APEX1: variants seen among roughly 807,000 people sequenced by gnomAD.
APEX1 encodes the protein DNA repair nuclease/redox regulator APEX1.
In APEX1, 32 loss-of-function variants were observed where a neutral mutation model predicts 33.2. The observed-to-expected ratio is 0.96, with a 90% CI of 0.73 to 1.29. APEX1 has a LOEUF of 1.29. Ranked by LOEUF, APEX1 falls within the 50% of genes most tolerant of loss-of-function variation. APEX1 has a pLI of 0.00. For synonymous variants in APEX1, 175 were observed against 156.6 expected (o/e 1.12, Z -0.88); for missense variants, 442 against 395.6 (o/e 1.12, Z -0.99).
intron 1 of APEX1, 65 bp downstream of exon 1, chr14:20,455,459 A>G: frequency 1.1e-6 from 1 of 906,062 alleles, no homozygotes; most frequent in Non-Finnish European, 1.7e-6. Context: ...TGATGCACGG[A>G]GGCGGGGAAA....
rs759276702 is a variant in APEX1, at chr14:20,456,117, G to A, written c.246+16G>A. On this transcript the variant is annotated intron_variant, in intron 3 of 4. Coordinates refer to ENST00000216714, the MANE Select transcript of APEX1 (RefSeq NM_001641.4). The stretch of plus-strand genomic sequence containing the variant: ...AGGATTAGATGTGAGTGGAATTTGA[G>A]GGAAAGAGACATTTTTTAGTATTGA... 3.7e-6 allele frequency: 6 copies of A among 1,613,100 alleles called. No homozygotes were observed. In the South Asian group the frequency reaches 6.6e-5, roughly 18 times the overall value.
chr14:20,457,360 T>A lies in APEX1; in HGVS notation c.809T>A (p.Met270Lys). The A allele has an allele frequency of 6.2e-7, 1 of 1,614,260 alleles. No individual in the cohort carries two copies. The highest frequency in any genetic ancestry group is 8.5e-7 in the Non-Finnish European group (1 of 1,180,044). Residue 270 changes from methionine (M) to lysine (K), a missense_variant, in exon 5 of 5, where the codon ATG (methionine) becomes AAG (lysine). Met to Lys is a moderately conservative substitution (Grantham distance 95, BLOSUM62 -1). Coordinates refer to ENST00000216714, the MANE Select transcript of APEX1 (RefSeq NM_001641.4). ...TPYAYTFWTY[M>K]MNARSKNVGW... ...TATGCCTACACCTTTTGGACTTATA[T>A]GATGAATGCTCGATCCAAGAATGTT...
At position 20,457,544 on chromosome 14, in the gene APEX1, G is replaced by T; in HGVS notation, c.*36G>T. The T allele has an allele frequency of 6.2e-7, 1 of 1,605,894 alleles. No homozygotes were observed. On this transcript the variant is annotated 3_prime_UTR_variant, in exon 5 of 5. Transcript: ENST00000216714. ...AAATCACTTTGAGCCTGGGAAATAA[G>T]CCCCCTCAACTACCATTCCTTCTTT...
Position 20,455,263 on chromosome 14 carries a change from T to A in APEX1, c.-200T>A. The A allele has an allele frequency of 2.6e-6, 1 of 387,248 alleles. No individual in the cohort carries two copies. The highest frequency in any genetic ancestry group is 2.4e-5 in the South Asian group (1 of 40,856). The allele number at this position is 387,248 out of a possible 1,614,324, so 24.0% of individuals were successfully genotyped here. A position where few individuals can be genotyped will look rare whatever the true frequency, so the allele number is the denominator to read the frequency against. ...CGGGTTAGGAGGAGCTAGGCTGCCA[T>A]CGGGCCGGTGCAGATACGGGGTTGC... On this transcript the variant is annotated 5_prime_UTR_variant, in exon 1 of 5. Coordinates refer to ENST00000216714, the MANE Select transcript of APEX1 (RefSeq NM_001641.4).
rs1881265820 is a variant in APEX1, at chr14:20,455,351, A to C, written c.-112A>C. ...ACGGCAAGCTTGAGTCAGGACCCTT[A>C]ATTAAGATCCTCAATTGGCTGGAGG... is the stretch of plus-strand genomic sequence containing the variant. On this transcript the variant is annotated 5_prime_UTR_variant, in exon 1 of 5. Coordinates refer to ENST00000216714, the MANE Select transcript of APEX1 (RefSeq NM_001641.4). 3 of 521,620 alleles carry C rather than the reference A, an allele frequency of 5.8e-6. No homozygotes were observed. Among genetic ancestry groups the C allele is most frequent in the African/African-American group, 1.9e-5 (1 of 52,268 alleles). 32.3% of individuals were successfully genotyped at this position (521,620 alleles called of 1,614,324 possible). A position where few individuals can be genotyped will look rare whatever the true frequency, so the allele number is the denominator to read the frequency against.
chr14:20,456,341 T>C (rs929282956), intron 3 of APEX1, among the ~76,000 whole-genome samples: 27 of 152,364 alleles, frequency 1.8e-4, no homozygotes, highest in Middle Eastern at 3.4e-3. Context: ...CTCTTCACTA[T>C]ACTTCCTCCA....
At chr14:20,456,179 A>G in intron 3 of APEX1, 78 bp downstream of exon 3, 1 of 1,526,794 alleles carries the variant, frequency 6.5e-7, no homozygotes, top group Admixed American at 1.7e-5. Flanking sequence ...TTCTCCGTTT[A>G]GCCTTCAGGC....
intron 1 of APEX1, 59 bp from the exon 2 acceptor site, chr14:20,455,519 T>C (rs927053801): frequency 7.3e-6 from 11 of 1,512,062 alleles, no homozygotes; most frequent in Non-Finnish European, 1.0e-5. Flanking sequence ...GCGGGGACGC[T>C]CTTGGGAGGA....
chr14:20,456,167 T>G, intron 3 of APEX1, 66 bp downstream of exon 3: 1 of 1,557,216 alleles, frequency 6.4e-7, no homozygotes, highest in South Asian at 1.1e-5. Flanking sequence ...TAGTCACCCC[T>G]TTTCTCCGTT....
Position 20,457,412 on chromosome 14 carries a change from G to T in APEX1, c.861G>T (p.Leu287Phe). 1 of 1,614,128 alleles carries T rather than the reference G, an allele frequency of 6.2e-7. No individual in the cohort carries two copies. Among genetic ancestry groups the T allele is most frequent in the East Asian group, 2.2e-5 (1 of 44,882 alleles). ...GTTGGCGCCTTGATTACTTTTTGTT[G>T]TCCCACTCTCTGTTACCTGCATTGT... Reference protein sequence around the residue: ...NVGWRLDYFLLSHSLLPALCD... With the variant: ...NVGWRLDYFLFSHSLLPALCD... The change falls in exon 5 of 5, where the codon TTG (leucine) becomes TTT (phenylalanine). Residue 287 changes from leucine (L) to phenylalanine (F), a missense_variant. Transcript: ENST00000216714.
In APEX1 at chr14:20,456,802, G is replaced by A. The variant is rs763599954; in HGVS notation, c.381G>A (p.Gly127=). 2 of 1,614,212 alleles carry A rather than the reference G, an allele frequency of 1.2e-6. No homozygotes were observed. Among genetic ancestry groups the A allele is most frequent in the East Asian group, 2.2e-5 (1 of 44,882 alleles). ...QYWSAPSDKE[G]YSGVGLLSRQ... is the part of the protein sequence containing the mutation. ...GGTCAGCTCCTTCGGACAAGGAAGG[G>A]TACAGTGGCGTGGGCCTGCTTTCCC... The change falls in exon 4 of 5, where the codon GGG becomes GGA. Residue 127 remains glycine, a synonymous_variant. Transcript: ENST00000216714.
Position 20,456,660 on chromosome 14 carries a change from A to T in APEX1, c.247-8A>T. 6.2e-7 allele frequency: 1 copy of T among 1,612,770 alleles called. No homozygotes were observed. On this transcript the variant is annotated splice_polypyrimidine_tract_variant and splice_region_variant and intron_variant, in intron 3 of 4. Transcript: ENST00000216714. ...TAATACGTTTTCCACCTTTCTTTTC[A>T]CTTACAGTGGGTAAAGGAAGAAGCC...
In APEX1 at chr14:20,457,341, TAC is replaced by T. The variant is rs775971709; in HGVS notation, c.793_794del (p.Thr265LeufsTer18). On this transcript the variant is annotated frameshift_variant, in exon 5 of 5. Coordinates refer to ENST00000216714, the MANE Select transcript of APEX1 (RefSeq NM_001641.4). LOFTEE classifies it high-confidence loss of function. ...RHLYPNTPYA[Y>X]TFWTYMMNAR... ...CCTCTACCCCAACACACCCTATGCC[TAC>T]ACCTTTTGGACTTATATGATGAATG... 3 of 1,614,252 alleles carry T rather than the reference TAC, an allele frequency of 1.9e-6. No individual in the cohort carries two copies. The Admixed American group carries it at 5.0e-5, about 27-fold the overall frequency.
rs748971777 is a variant in APEX1, at chr14:20,457,123, C to G, written c.572C>G (p.Ala191Gly). The stretch of plus-strand genomic sequence containing the variant: ...GAGTACCGGCAGCGCTGGGATGAAG[C>G]CTTTCGCAAGTTCCTGAAGGGCCTG... ...RLEYRQRWDE[A>G]FRKFLKGLAS... Residue 191 changes from alanine (A) to glycine (G), a missense_variant, in exon 5 of 5, where the codon GCC (alanine) becomes GGC (glycine). By Grantham distance (60) the Ala-to-Gly change is moderately conservative. Transcript: ENST00000216714. The G allele has an allele frequency of 1.9e-5, 31 of 1,614,202 alleles. No homozygotes were observed. Among genetic ancestry groups the G allele is most frequent in the South Asian group, 5.5e-5 (5 of 91,086 alleles).
rs1159410021 is a variant in APEX1, at chr14:20,457,136, C to G, written c.585C>G (p.Phe195Leu). 12 of 1,614,046 alleles carry G rather than the reference C, an allele frequency of 7.4e-6. No individual in the cohort carries two copies. Among genetic ancestry groups the G allele is most frequent in the Non-Finnish European group, 9.3e-6 (11 of 1,180,052 alleles). Reference sequence around the variant, plus strand: ...GCTGGGATGAAGCCTTTCGCAAGTTCCTGAAGGGCCTGGCTTCCCGAAAGC... The same window carrying G: ...GCTGGGATGAAGCCTTTCGCAAGTTGCTGAAGGGCCTGGCTTCCCGAAAGC... ...RQRWDEAFRKFLKGLASRKPL... is the reference protein window; with the variant it reads ...RQRWDEAFRKLLKGLASRKPL... The change falls in exon 5 of 5, where the codon TTC becomes TTG. Residue 195 changes from phenylalanine (F) to leucine (L), a missense_variant. Phe to Leu is a conservative substitution (Grantham distance 22, BLOSUM62 0). Coordinates refer to ENST00000216714, the MANE Select transcript of APEX1 (RefSeq NM_001641.4).
chr14:20,456,538 C>T, intron 3 of APEX1, 130 bp from the exon 4 acceptor site: 1 of 848,328 alleles, frequency 1.2e-6, no homozygotes, highest in Non-Finnish European at 2.0e-6. Context: ...GAATATTGTG[C>T]TGCTTGACTC....
Position 20,457,540 on chromosome 14 carries a change from A to G in APEX1, c.*32A>G, listed in dbSNP as rs755638723. On this transcript the variant is annotated 3_prime_UTR_variant, in exon 5 of 5. Transcript: ENST00000216714. Reference sequence around the variant, plus strand: ...CCCTAAATCACTTTGAGCCTGGGAAATAAGCCCCCTCAACTACCATTCCTT... The same window carrying G: ...CCCTAAATCACTTTGAGCCTGGGAAGTAAGCCCCCTCAACTACCATTCCTT... 7.5e-6 allele frequency: 12 copies of G among 1,607,980 alleles called. No homozygotes were observed. Among genetic ancestry groups the G allele is most frequent in the Admixed American group, 5.0e-5 (3 of 60,028 alleles).
In APEX1 at chr14:20,457,392, C is replaced by T. The variant is rs751223947; in HGVS notation, c.841C>T (p.Arg281Cys). 8 of 1,614,068 alleles carry T rather than the reference C, an allele frequency of 5.0e-6. No individual in the cohort carries two copies. Among genetic ancestry groups the T allele is most frequent in the African/African-American group, 1.3e-5 (1 of 74,916 alleles). ...MNARSKNVGW[R>C]LDYFLLSHSL... ...TGCTCGATCCAAGAATGTTGGTTGG[C>T]GCCTTGATTACTTTTTGTTGTCCCA... Residue 281 changes from arginine (R) to cysteine (C), a missense_variant, in exon 5 of 5, where the codon CGC becomes TGC. Arg to Cys is a radical substitution (Grantham distance 180). Transcript: ENST00000216714.
Position 20,457,537 on chromosome 14 carries a change from G to A in APEX1, c.*29G>A, listed in dbSNP as rs1881467785. On this transcript the variant is annotated 3_prime_UTR_variant, in exon 5 of 5. Coordinates refer to ENST00000216714, the MANE Select transcript of APEX1 (RefSeq NM_001641.4). ...CACCCCTAAATCACTTTGAGCCTGGGAAATAAGCCCCCTCAACTACCATTC... is the reference window on the plus strand; with the variant it reads ...CACCCCTAAATCACTTTGAGCCTGGAAAATAAGCCCCCTCAACTACCATTC... 4 of 1,609,274 alleles carry A rather than the reference G, an allele frequency of 2.5e-6. No individual in the cohort carries two copies. Among genetic ancestry groups the A allele is most frequent in the African/African-American group, 1.3e-5 (1 of 74,860 alleles).
Sources: gnomAD v4.1 joint callset for allele counts (sites outside exome capture counted in the v4.1 genomes callset) on GRCh38, gnomAD v4.1.1 for gene constraint, MANE v1.5 for transcripts, NCBI Gene and HGNC (gene_info 2026-07-23, HGNC 2026-07-21) for gene names.